LINGO2: variants seen among roughly 807,000 people sequenced by gnomAD.
The protein encoded by LINGO2 is leucine-rich repeat and immunoglobulin-like domain-containing nogo receptor-interacting protein 2.
LINGO2 carries 14 observed loss-of-function variants against 30.6 expected under a neutral mutation model. The observed-to-expected ratio is 0.46, with a 90% CI of 0.30 to 0.72. LINGO2 has a LOEUF of 0.72. Ranked by LOEUF, LINGO2 falls within the 30% of genes least tolerant of loss-of-function variation. The pLI, the probability that LINGO2 is intolerant of heterozygous loss-of-function variation, is 0.07. For synonymous variants in LINGO2, 317 were observed against 288.5 expected, an observed-to-expected ratio of 1.10 and a Z score of -1.00; for missense variants, 729 against 751.7, an observed-to-expected ratio of 0.97 and a Z score of 0.35.
At chr9:28,708,933 C>T in the LINGO2 span, among the ~76,000 whole-genome samples, 1 of 152,102 alleles carries the variant, frequency 6.6e-6, no homozygotes, top group Non-Finnish European at 1.5e-5. Flanking sequence ...ATGCAACCAA[C>T]AAACAATGTA....
At chr9:28,222,995 C>T (rs1002732765) in intron 4 of LINGO2, among the ~76,000 whole-genome samples, 4 of 152,046 alleles carry the variant, frequency 2.6e-5, no homozygotes, top group Non-Finnish European at 4.4e-5. Context: ...TTTCAAGATA[C>T]AGTCATGACT....
At chr9:28,449,879 T>A (rs1252231567) in intron 2 of LINGO2, among the ~76,000 whole-genome samples, 1 of 152,008 alleles carries the variant, frequency 6.6e-6, no homozygotes. Flanking sequence ...GGCTAAATTA[T>A]CCAGCAATTT....
chr9:27,962,961 G>T (rs978417828), intron 5 of LINGO2, among the ~76,000 whole-genome samples: 2 of 151,946 alleles, frequency 1.3e-5, no homozygotes, highest in Admixed American at 6.6e-5. Flanking sequence ...TCGTATGCTG[G>T]GTATTTATTC....
intron 2 of LINGO2, among the ~76,000 whole-genome samples, chr9:28,450,951 A>G (rs1349537721): frequency 3.9e-5 from 6 of 151,966 alleles, no homozygotes; most frequent in Admixed American, 3.9e-4. Context: ...AACAGTATAA[A>G]TGAGCCTGAG....
At chr9:29,028,943 A>AT in the LINGO2 span, among the ~76,000 whole-genome samples, 22 of 150,568 alleles carry the variant, frequency 1.5e-4, no homozygotes, top group African/African-American at 3.6e-4. Flanking sequence ...GTGAAGATGA[A>AT]TTTTTTTTTT....
chr9:29,067,480 T>G, the LINGO2 span, among the ~76,000 whole-genome samples: 2 of 151,766 alleles, frequency 1.3e-5, no homozygotes, highest in African/African-American at 4.8e-5. Flanking sequence ...TAGAGAAAGA[T>G]TAAATGAGCA....
chr9:28,057,601 A>ACACATATATGTATATACATATATATT, intron 4 of LINGO2, among the ~76,000 whole-genome samples: 1 of 147,494 alleles, frequency 6.8e-6, no homozygotes, highest in African/African-American at 2.5e-5. Context: ...ACATATATAT[A>ACACATATATGTATATACATATATATT]CACATATATG....
chr9:28,408,772 AAC>A, intron 2 of LINGO2, among the ~76,000 whole-genome samples: 1 of 69,222 alleles, frequency 1.4e-5, no homozygotes. Flanking sequence ...AGTATAAAAA[AAC>A]AAAAAAAAAA....
the LINGO2 span, among the ~76,000 whole-genome samples, chr9:28,876,471 A>G: frequency 5.3e-5 from 8 of 150,892 alleles, no homozygotes; most frequent in African/African-American, 1.5e-4. Context: ...TCATTGTTCA[A>G]TTCCCACCTA....
chr9:28,387,800 G>A (rs1373793917), intron 2 of LINGO2, among the ~76,000 whole-genome samples: 2 of 152,086 alleles, frequency 1.3e-5, no homozygotes, highest in African/African-American at 4.8e-5. Context: ...AACACTCACT[G>A]CGAAGGTCTG....
chr9:28,662,566 G>A (rs188946401), intron 1 of LINGO2, among the ~76,000 whole-genome samples: 2 of 151,926 alleles, frequency 1.3e-5, no homozygotes, highest in South Asian at 4.1e-4. Context: ...ACTTATTGTT[G>A]GCCTTTGTTG....
intron 4 of LINGO2, among the ~76,000 whole-genome samples, chr9:28,190,815 C>T (rs761896447): frequency 6.6e-6 from 1 of 152,038 alleles, no homozygotes; most frequent in Admixed American, 6.6e-5. Context: ...AGCCACTAGT[C>T]CAAACTAACT....
At chr9:28,677,044 G>C in the LINGO2 span, among the ~76,000 whole-genome samples, 4 of 152,096 alleles carry the variant, frequency 2.6e-5, no homozygotes, top group African/African-American at 9.7e-5. Flanking sequence ...AATGCTTTCC[G>C]TATGCTAGGC....
intron 2 of LINGO2, among the ~76,000 whole-genome samples, chr9:28,397,667 C>G (rs1030489372): frequency 4.0e-5 from 6 of 151,322 alleles, no homozygotes; most frequent in Admixed American, 3.3e-4. Flanking sequence ...CCTGCCTCAG[C>G]CTCCCGAGTA....
chr9:28,670,849 T>A (rs1235095523), upstream of LINGO2, among the ~76,000 whole-genome samples: 2 of 152,136 alleles, frequency 1.3e-5, no homozygotes, highest in African/African-American at 4.8e-5. Context: ...ATTTTATGAA[T>A]CTTCCTCAGG....
chr9:29,193,482 C>T, the LINGO2 span, among the ~76,000 whole-genome samples: 2 of 152,112 alleles, frequency 1.3e-5, no homozygotes, highest in African/African-American at 2.4e-5. Flanking sequence ...TTCTTTTCTG[C>T]CTAGCTTATT....
At position 28,590,814 on chromosome 9, in the gene LINGO2, A is replaced by G. The variant is rs548151354; in HGVS notation, c.-365+79386T>C. ...CCAGCCATCCCATTACTGGGTATAT[A>G]CCCAAAGGATTATAAATCATGCTGC... On this transcript the variant is annotated intron_variant, in intron 1 of 5. Coordinates refer to ENST00000379992, the Ensembl canonical transcript of LINGO2. Among the ~76,000 whole-genome samples, 24 of 152,266 alleles carry G rather than the reference A, an allele frequency of 1.6e-4. No individual in the cohort carries two copies. The South Asian group carries it at 4.8e-3, about 30-fold the overall frequency.
chr9:29,003,593 A>G, the LINGO2 span, among the ~76,000 whole-genome samples: 4 of 152,050 alleles, frequency 2.6e-5, no homozygotes, highest in Non-Finnish European at 5.9e-5. Flanking sequence ...ATGGTTGGAA[A>G]GGTGACTGTA....
At chr9:28,009,734 A>G (rs1822460808) in intron 5 of LINGO2, among the ~76,000 whole-genome samples, 2 of 152,212 alleles carry the variant, frequency 1.3e-5, no homozygotes, top group South Asian at 2.1e-4. Flanking sequence ...AATGATGTGG[A>G]GATATGGGAA....
Sources: allele counts gnomAD v4.1 joint callset (sites outside exome capture counted in the v4.1 genomes callset), GRCh38; gene constraint gnomAD v4.1.1; transcripts MANE v1.5; gene names NCBI Gene and HGNC (gene_info 2026-07-23, HGNC 2026-07-21).